Variants in ZBED6 observed in about 807,000 individuals in gnomAD.
ZBED6 encodes the protein zinc finger BED-type containing 6, also known as zinc finger BED domain-containing protein 6.
ZBED6 carries 40 observed loss-of-function variants against 58.4 expected under a neutral mutation model. The ratio of observed to expected loss-of-function variants is 0.68; its 90% CI spans 0.53 to 0.89. The LOEUF (loss-of-function observed/expected upper bound fraction) is 0.89. Ranked by LOEUF, ZBED6 falls within the 40% of genes least tolerant of loss-of-function variation. ZBED6 has a pLI of 0.00. For missense variants in ZBED6, 1,057 were observed against 1,003.9 expected, an observed-to-expected ratio of 1.05 and a Z score of -0.71; for synonymous variants, 439 against 350.6, an observed-to-expected ratio of 1.25 and a Z score of -2.82.
intron 3 of ZBED6, among the ~76,000 whole-genome samples, chr1:203,827,043 A>G (rs1290383069): frequency 2.0e-5 from 3 of 152,184 alleles, no homozygotes; most frequent in Non-Finnish European, 1.5e-5. Context: ...TCATCTTTTC[A>G]TAAATGGAAT....
At chr1:203,849,484 T>C (rs16852392) in intron 13 of ZBED6, among the ~76,000 whole-genome samples, 5,734 of 152,310 alleles carry the variant, frequency 0.038, 324 homozygotes, top group African/African-American at 0.13. Context: ...CTTAGAGTCA[T>C]GGTTGTCTAG....
intron 1 of ZBED6, among the ~76,000 whole-genome samples, chr1:203,809,908 C>T (rs942390349): frequency 6.6e-5 from 10 of 152,126 alleles, no homozygotes; most frequent in Non-Finnish European, 1.3e-4. Flanking sequence ...AAGTCAAGAT[C>T]ACGCAACTGC....
exon 17 of ZBED6, chr1:203,852,256 A>C (rs978748891): frequency 1.2e-6 from 2 of 1,613,566 alleles, no homozygotes; most frequent in Admixed American, 1.7e-5. Context: ...CTCAACAGGA[A>C]AGCCCCCACT....
chr1:203,815,813 A>G (rs1455079341), intron 1 of ZBED6, among the ~76,000 whole-genome samples: 1 of 152,116 alleles, frequency 6.6e-6, no homozygotes, highest in Non-Finnish European at 1.5e-5. Flanking sequence ...CTGAAACCTG[A>G]TCTTCTGGTA....
chr1:203,829,986 T>A lies in ZBED6; in HGVS notation c.*3318+90T>A, dbSNP rs1032453797. ...CAATCATTGACCTCCCTCTTCTTTT[T>A]CCCATGCTACACGCATACTTACCTA... On this transcript the variant is annotated intron_variant, in intron 6 of 16. Transcript: ENST00000550078. The A allele has an allele frequency of 2.2e-6, 3 of 1,394,628 alleles. No homozygotes were observed. In the African/African-American group the frequency reaches 4.3e-5, roughly 20 times the overall value. The allele number at this position is 1,394,628 out of a possible 1,614,324, so 86.4% of individuals were successfully genotyped here.
exon 1 of ZBED6, chr1:203,797,448 A>T: frequency 1.5e-6 from 2 of 1,341,992 alleles, no homozygotes; most frequent in Non-Finnish European, 9.8e-7. Flanking sequence ...GCAAGTAGAG[A>T]GGAACAGCTG....
At chr1:203,815,874 TGCTTTTGTAGAA>T (rs1326468743) in intron 1 of ZBED6, among the ~76,000 whole-genome samples, 1 of 152,238 alleles carries the variant, frequency 6.6e-6, no homozygotes, top group Non-Finnish European at 1.5e-5. Flanking sequence ...TTTTGTTATA[TGCTTTTGTAGAA>T]GCTTGCTTGG....
intron 10 of ZBED6, among the ~76,000 whole-genome samples, chr1:203,838,720 G>A (rs990187349): frequency 2.0e-5 from 3 of 152,180 alleles, no homozygotes; most frequent in African/African-American, 7.2e-5. Context: ...GGAGGCCGAG[G>A]TGGGTGGATC....
chr1:203,798,641 A>G, exon 1 of ZBED6: 2 of 1,536,142 alleles, frequency 1.3e-6, no homozygotes, highest in South Asian at 2.4e-5. Context: ...AACCTATGTT[A>G]GAGGTTGAAA....
At chr1:203,840,665 C>T (rs572200970) in intron 11 of ZBED6, among the ~76,000 whole-genome samples, 2 of 150,130 alleles carry the variant, frequency 1.3e-5, no homozygotes, top group African/African-American at 2.5e-5. Flanking sequence ...CAGAGTTTTG[C>T]TCTTGTTGCC....
intron 10 of ZBED6, among the ~76,000 whole-genome samples, chr1:203,839,035 A>G (rs1296240685): frequency 6.6e-6 from 1 of 152,052 alleles, no homozygotes; most frequent in Non-Finnish European, 1.5e-5. Flanking sequence ...TAAAACCATT[A>G]CCTTGCCTGC....
At chr1:203,842,314 G>A (rs1205285630) in intron 11 of ZBED6, among the ~76,000 whole-genome samples, 1 of 152,196 alleles carries the variant, frequency 6.6e-6, no homozygotes, top group East Asian at 1.9e-4. Flanking sequence ...GCAACATTGA[G>A]CACTGAGTGA....
chr1:203,834,740 C>T (rs774411309), intron 9 of ZBED6, among the ~76,000 whole-genome samples: 75 of 152,228 alleles, frequency 4.9e-4, no homozygotes, highest in Non-Finnish European at 8.2e-4. Context: ...ACCTCCACCT[C>T]CTGGGTTCAA....
intron 11 of ZBED6, among the ~76,000 whole-genome samples, 174 bp from the exon 12 acceptor site, chr1:203,847,010 A>T (rs1468272413): frequency 6.6e-6 from 1 of 152,050 alleles, no homozygotes; most frequent in Non-Finnish European, 1.5e-5. Context: ...GTCTTAAAAA[A>T]AAAAAGAAAA....
intron 1 of ZBED6, among the ~76,000 whole-genome samples, chr1:203,804,341 A>T (rs1302708055): frequency 2.0e-5 from 3 of 151,606 alleles, no homozygotes; most frequent in Non-Finnish European, 4.4e-5. Flanking sequence ...TTTAGTAGAG[A>T]CGGGGTTTCA....
At chr1:203,834,135 T>G in intron 9 of ZBED6, 1 of 1,059,700 alleles carries the variant, frequency 9.4e-7, no homozygotes, top group Non-Finnish European at 1.1e-6. Flanking sequence ...TGAACAAATT[T>G]AAATGTGAGT....
At chr1:203,797,021 T>C (rs1668758063) in exon 1 of ZBED6, 1 of 153,362 alleles carries the variant, frequency 6.5e-6, no homozygotes, top group African/African-American at 2.4e-5. Context: ...GCACTATGTT[T>C]TTGTTTAAAT....
intron 1 of ZBED6, among the ~76,000 whole-genome samples, chr1:203,807,949 C>G (rs1027117385): frequency 1.3e-5 from 2 of 151,922 alleles, no homozygotes; most frequent in Non-Finnish European, 2.9e-5. Flanking sequence ...ATTATGTTGC[C>G]CAGGCTGGTC....
chr1:203,833,618 G>GTTTTTTTTTTTTTTTT (rs553171669), intron 8 of ZBED6, among the ~76,000 whole-genome samples, 173 bp from the exon 9 acceptor site: 4 of 124,812 alleles, frequency 3.2e-5, no homozygotes, highest in Non-Finnish European at 5.0e-5. Flanking sequence ...ATAGGTTTGG[G>GTTTTTTTTTTTTTTTT]TTTTTTTTTT....
Sources: gnomAD v4.1 joint callset for allele counts (sites outside exome capture counted in the v4.1 genomes callset) on GRCh38, gnomAD v4.1.1 for gene constraint, MANE v1.5 for transcripts, NCBI Gene and HGNC (gene_info 2026-07-23, HGNC 2026-07-21) for gene names.